STARD3: variants seen among roughly 807,000 people sequenced by gnomAD.
STARD3 encodes the protein stAR-related lipid transfer protein 3.
Under a neutral mutation model 62.0 loss-of-function variants are expected in STARD3, and 39 were observed. The observed-to-expected ratio is 0.63, with a 90% CI of 0.49 to 0.82. The LOEUF is 0.82. Among genes scored for constraint, STARD3 ranks in the 40% least tolerant of loss-of-function variants. STARD3 has a pLI of 0.00. For synonymous variants in STARD3, 229 were observed against 242.4 expected, an observed-to-expected ratio of 0.94 and a Z score of 0.51; for missense variants, 543 against 584.5, an observed-to-expected ratio of 0.93 and a Z score of 0.73.
chr17:39,658,741 T>G lies in STARD3; in HGVS notation c.567T>G (p.Val189=), dbSNP rs759464869. The G allele has an allele frequency of 3.1e-6, 5 of 1,613,880 alleles. No homozygotes were observed. In the African/African-American group the frequency reaches 6.7e-5, roughly 22 times the overall value. Residue 189 remains valine, a synonymous_variant, in exon 7 of 15, where the codon GTT becomes GTG. Transcript: ENST00000336308. ...EEERWYLAAQ[V]AVARGPLLFS... ...CTCCAGGGTATCTTGCCGCCCAGGTTGCTGTTGCCCGTGGACCCCTGCTGT... is the reference window on the plus strand; with the variant it reads ...CTCCAGGGTATCTTGCCGCCCAGGTGGCTGTTGCCCGTGGACCCCTGCTGT...
At chr17:39,640,166 C>T (rs924594699) in intron 1 of STARD3, among the ~76,000 whole-genome samples, 3 of 152,168 alleles carry the variant, frequency 2.0e-5, no homozygotes, top group Non-Finnish European at 4.4e-5. Context: ...TAAGGGAGAG[C>T]GGTGCGGGGG....
At chr17:39,647,510 C>T (rs2057037998) in intron 1 of STARD3, among the ~76,000 whole-genome samples, 1 of 152,154 alleles carries the variant, frequency 6.6e-6, no homozygotes, top group Admixed American at 6.5e-5. Flanking sequence ...GAGGCCTGCG[C>T]TAGCTGTGAT....
chr17:39,649,003 A>C (rs1416472979), intron 1 of STARD3, among the ~76,000 whole-genome samples: 1 of 152,162 alleles, frequency 6.6e-6, no homozygotes, highest in Non-Finnish European at 1.5e-5. Flanking sequence ...GCAAGGACCA[A>C]GGAGGGAGGG....
At position 39,660,688 on chromosome 17, in the gene STARD3, C is replaced by T; in HGVS notation, c.955-122C>T. ...TCGGGAGGAGGGCAGGAGGAGTGCT[C>T]ATCAGGCGCTGCCCAGGGCCTGCCT... On this transcript the variant is annotated intron_variant, in intron 11 of 14. Coordinates refer to ENST00000336308, the MANE Select transcript of STARD3 (RefSeq NM_006804.4). This position sits in a 1 kb window ranked among gnomAD's most constrained non-coding sequence, Gnocchi z 4.8. 1.5e-6 allele frequency: 2 copies of T among 1,360,602 alleles called. No homozygotes were observed. Among genetic ancestry groups the T allele is most frequent in the East Asian group, 2.3e-5 (1 of 43,434 alleles). The allele number at this position is 1,360,602 out of a possible 1,614,324, so 84.3% of individuals were successfully genotyped here.
chr17:39,649,387 A>G (rs1028801816), intron 1 of STARD3, among the ~76,000 whole-genome samples: 9 of 152,240 alleles, frequency 5.9e-5, no homozygotes, highest in African/African-American at 2.2e-4. Context: ...CTAAGTGCTC[A>G]TTCATGGGAG....
Position 39,660,283 on chromosome 17 carries a change from G to A in STARD3, c.858+10G>A. 2 of 1,614,054 alleles carry A rather than the reference G, an allele frequency of 1.2e-6. No homozygotes were observed. Among genetic ancestry groups the A allele is most frequent in the Non-Finnish European group, 8.5e-7 (1 of 1,180,026 alleles). ...GACGTTTATCCTGAAGGTGAGTGAG[G>A]GGAGCGGGTGTCCTGGAGCCCCAGA... On this transcript the variant is annotated intron_variant, in intron 10 of 14. Transcript: ENST00000336308. The surrounding 1 kb of genome is among the most constrained non-coding windows in gnomAD (Gnocchi z 4.8).
At chr17:39,653,897 T>C (rs2057102001) in intron 2 of STARD3, 147 bp downstream of exon 2, 7 of 918,676 alleles carry the variant, frequency 7.6e-6, no homozygotes, top group Non-Finnish European at 9.9e-6. Context: ...GGGGTTCTCA[T>C]ATTCTGAATG....
At chr17:39,658,273 A>G (rs772428104) in intron 5 of STARD3, 132 bp from the exon 6 acceptor site, 3 of 893,122 alleles carry the variant, frequency 3.4e-6, no homozygotes, top group East Asian at 2.6e-5. Context: ...TGCAGACTTG[A>G]GAGGGTTCCC....
chr17:39,661,083 C>T lies in STARD3; in HGVS notation c.1137C>T (p.Val379=), dbSNP rs1415426199. ...CCAAGCCCCCGACGCACAAATATGT[C>T]CGGTGAGCCTCACTTTGCCTGGGGT... ...HSAKPPTHKY[V]RGENGPGGFI... is the part of the protein sequence containing the mutation. Residue 379 remains valine, a splice_region_variant and synonymous_variant, in exon 13 of 15, where the codon GTC becomes GTT. Transcript: ENST00000336308. The T allele has an allele frequency of 6.2e-7, 1 of 1,613,422 alleles. No individual in the cohort carries two copies. The highest frequency in any genetic ancestry group is 8.5e-7 in the Non-Finnish European group (1 of 1,179,986).
intron 1 of STARD3, among the ~76,000 whole-genome samples, chr17:39,641,570 G>A (rs1463828433): frequency 6.6e-6 from 1 of 152,184 alleles, no homozygotes; most frequent in Non-Finnish European, 1.5e-5. Context: ...GGACCTGCCT[G>A]GCCAGGGTCC....
chr17:39,653,846 G>A, intron 2 of STARD3, 96 bp downstream of exon 2: 1 of 1,439,890 alleles, frequency 6.9e-7, no homozygotes, highest in East Asian at 2.4e-5. Context: ...TCTCCCCTGG[G>A]GTTGGTTAGC....
In STARD3 at chr17:39,662,819, T is replaced by C. The variant is rs750028028; in HGVS notation, c.1249T>C (p.Tyr417His). The change falls in exon 15 of 15, where the codon TAC becomes CAC. Residue 417 changes from tyrosine (Y) to histidine (H), a missense_variant. By Grantham distance (83) the Tyr-to-His change is moderately conservative. Transcript: ENST00000336308. The part of the protein sequence containing the change: ...NTDLKGRLPR[Y>H]LIHQSLAATM... ...CTTCCCCCAGGGCCGCCTGCCCCGGTACCTCATCCACCAGAGCCTCGCGGC... is the reference window on the plus strand; with the variant it reads ...CTTCCCCCAGGGCCGCCTGCCCCGGCACCTCATCCACCAGAGCCTCGCGGC... 1.2e-6 allele frequency: 2 copies of C among 1,610,802 alleles called. No homozygotes were observed. The highest frequency in any genetic ancestry group is 2.7e-5 in the African/African-American group (2 of 74,730).
In STARD3 at chr17:39,660,511, A is replaced by G. The variant is rs886712013; in HGVS notation, c.939A>G (p.Thr313=). The G allele has an allele frequency of 1.9e-6, 3 of 1,613,918 alleles. No individual in the cohort carries two copies. In the South Asian group the frequency reaches 3.3e-5, roughly 18 times the overall value. ...QPERMVLWNK[T]VTACQILQRV... ...AGAGGATGGTGCTGTGGAACAAGAC[A>G]GTGACTGCCTGCCAGGTGAGCCCAG... Residue 313 remains threonine, a synonymous_variant, in exon 11 of 15, where the codon ACA becomes ACG. Transcript: ENST00000336308. The surrounding 1 kb of genome is among the most constrained non-coding windows in gnomAD (Gnocchi z 4.8).
At chr17:39,653,982 C>T (rs543500682) in intron 2 of STARD3, among the ~76,000 whole-genome samples, 23 of 152,314 alleles carry the variant, frequency 1.5e-4, no homozygotes, top group East Asian at 9.7e-4. Context: ...GTGAAGGCAA[C>T]GGCCTTGAAC....
intron 1 of STARD3, among the ~76,000 whole-genome samples, chr17:39,651,380 G>T (rs2057076303): frequency 6.6e-6 from 1 of 152,202 alleles, no homozygotes; most frequent in Admixed American, 6.5e-5. Flanking sequence ...ACCTCAGGAG[G>T]GGAGAGTGGT....
chr17:39,647,729 A>C (rs929022222), intron 1 of STARD3, among the ~76,000 whole-genome samples: 1 of 152,214 alleles, frequency 6.6e-6, no homozygotes, highest in Non-Finnish European at 1.5e-5. Flanking sequence ...AGTTTGAGGA[A>C]AGGCTGACAG....
chr17:39,659,384 TAG>T lies in STARD3; in HGVS notation c.703-69_703-68del, dbSNP rs1393921499. On this transcript the variant is annotated intron_variant, in intron 8 of 14. Transcript: ENST00000336308. ...CCCTCTGGGAAGCATGTGGTATGTC[TAG>T]AGAGAGAACAGGCCACGAACATGGT... 1.2e-5 allele frequency: 17 copies of T among 1,419,868 alleles called. 1 individual carries two copies. In the East Asian group the frequency reaches 1.6e-4, roughly 13 times the overall value. The allele number at this position is 1,419,868 out of a possible 1,614,324, so 88.0% of individuals were successfully genotyped here.
chr17:39,644,705 G>C (rs1170705605), intron 1 of STARD3, among the ~76,000 whole-genome samples: 1 of 149,496 alleles, frequency 6.7e-6, no homozygotes, highest in Non-Finnish European at 1.5e-5. Flanking sequence ...GAAAAGAAAA[G>C]AAAAATTAGC....
chr17:39,640,125 T>A (rs1176250171), intron 1 of STARD3, among the ~76,000 whole-genome samples: 1 of 152,184 alleles, frequency 6.6e-6, no homozygotes, highest in Non-Finnish European at 1.5e-5. Flanking sequence ...GCATGTTGCA[T>A]TAAGTTGAGC....
Sources: allele counts gnomAD v4.1 joint callset (sites outside exome capture counted in the v4.1 genomes callset), GRCh38; gene constraint gnomAD v4.1.1; non-coding constraint Gnocchi (gnomAD v3.1); transcripts MANE v1.5; gene names NCBI Gene and HGNC (gene_info 2026-07-23, HGNC 2026-07-21).